ATG7: variants seen among roughly 807,000 people sequenced by gnomAD.
ATG7 encodes the protein ubiquitin-like modifier-activating enzyme ATG7.
ATG7 carries 70 observed loss-of-function variants against 82.4 expected under a neutral mutation model. The observed-to-expected ratio is 0.85, with a 90% CI of 0.70 to 1.04. The LOEUF (loss-of-function observed/expected upper bound fraction) is 1.04. ATG7 is among the 50% of genes least tolerant of loss of function. The pLI is 0.00. For synonymous variants in ATG7, 287 were observed against 313.0 expected (o/e 0.92, Z 0.88); for missense variants, 792 against 864.3 (o/e 0.92, Z 1.05).
chr3:11,346,219 A>G (rs528159769), intron 13 of ATG7, among the ~76,000 whole-genome samples: 2 of 152,310 alleles, frequency 1.3e-5, no homozygotes, highest in East Asian at 1.9e-4. Flanking sequence ...ATAGGATGAA[A>G]CATAACTTAC....
intron 19 of ATG7, among the ~76,000 whole-genome samples, chr3:11,393,461 C>T (rs902770637): frequency 1.3e-5 from 2 of 152,136 alleles, no homozygotes; most frequent in Non-Finnish European, 2.9e-5. Flanking sequence ...TGCATTCATA[C>T]TGTGTATTCA....
Position 11,404,152 on chromosome 3 carries a change from C to A in ATG7, c.1957-22652C>A, listed in dbSNP as rs1385388770. The stretch of plus-strand genomic sequence containing the variant: ...TTTTTTTTTTTTTTTTTTTTTTTTG[C>A]GGTAGAGTCTTGCTCTGTCGCCCAG... On this transcript the variant is annotated intron_variant, in intron 19 of 20. Coordinates refer to ENST00000693202, the MANE Select transcript of ATG7 (RefSeq NM_001349232.2). Among the ~76,000 whole-genome samples the A allele has an allele frequency of 2.0e-4, 7 of 35,610 alleles. 1 individual carries two copies. 23.4% of individuals were successfully genotyped at this position (35,610 alleles called of 152,430 possible). A position where few individuals can be genotyped will look rare whatever the true frequency, so the allele number is the denominator to read the frequency against.
the ATG7 span, among the ~76,000 whole-genome samples, chr3:11,562,997 G>A: frequency 6.6e-6 from 1 of 152,250 alleles, no homozygotes; most frequent in Non-Finnish European, 1.5e-5. Context: ...ACAGGGTAAA[G>A]AGAGTCAGGC....
chr3:11,428,247 A>G (rs955813082), intron 20 of ATG7, among the ~76,000 whole-genome samples: 1 of 152,200 alleles, frequency 6.6e-6, no homozygotes, highest in Non-Finnish European at 1.5e-5. Flanking sequence ...GGGAGGCCCC[A>G]AGTTGTCAAT....
At chr3:11,312,592 G>A (rs1948840989) in intron 7 of ATG7, among the ~76,000 whole-genome samples, 1 of 152,342 alleles carries the variant, frequency 6.6e-6, no homozygotes, top group Non-Finnish European at 1.5e-5. Flanking sequence ...GCTGCCTGGT[G>A]TCTGGGACTG....
rs984333228 is a variant in ATG7 at position 11,519,556 on chromosome 3, T to G, written c.2080-35255T>G. 1.2e-3 allele frequency among the ~76,000 whole-genome samples: 117 copies of G among 99,150 alleles called. 1 individual carries two copies. The highest frequency in any genetic ancestry group is 6.5e-3 in the African/African-American group (108 of 16,568). 65.0% of individuals were successfully genotyped at this position (99,150 alleles called of 152,430 possible). On this transcript the variant is annotated intron_variant, in intron 20 of 20. Coordinates refer to ENST00000693202, the MANE Select transcript of ATG7 (RefSeq NM_001349232.2). The stretch of plus-strand genomic sequence containing the variant: ...TGAGAGGAGTTTTTTTTTTTTTTTT[T>G]TTTTTTTTTTTTTTTTTTTTTGAGA...
At chr3:11,354,297 A>G (rs1291804826) in intron 14 of ATG7, among the ~76,000 whole-genome samples, 1 of 152,164 alleles carries the variant, frequency 6.6e-6, no homozygotes, top group Non-Finnish European at 1.5e-5. Context: ...GGAAGAGTAA[A>G]TTGAATAAGA....
chr3:11,471,108 C>A (rs1374561150), intron 20 of ATG7, among the ~76,000 whole-genome samples: 2 of 152,174 alleles, frequency 1.3e-5, no homozygotes, highest in African/African-American at 4.8e-5. Context: ...GGCTACCCTC[C>A]ATGGTAGCAA....
intron 3 of ATG7, among the ~76,000 whole-genome samples, chr3:11,293,291 A>T (rs1483034994): frequency 6.6e-6 from 1 of 152,008 alleles, no homozygotes; most frequent in Non-Finnish European, 1.5e-5. Context: ...GCACTTTAGG[A>T]GGCCAAGGCG....
At chr3:11,302,585 A>G (rs1275096987) in intron 5 of ATG7, among the ~76,000 whole-genome samples, 1 of 152,218 alleles carries the variant, frequency 6.6e-6, no homozygotes, top group East Asian at 1.9e-4. Context: ...GTAGAAGGCA[A>G]ATATTTGCAT....
At chr3:11,419,205 T>G (rs546497914) in intron 19 of ATG7, among the ~76,000 whole-genome samples, 2 of 152,196 alleles carry the variant, frequency 1.3e-5, no homozygotes, top group Non-Finnish European at 2.9e-5. Context: ...TGAAAATACA[T>G]TAGCAATTGT....
chr3:11,424,220 T>G (rs922762282), intron 19 of ATG7, among the ~76,000 whole-genome samples: 1 of 152,232 alleles, frequency 6.6e-6, no homozygotes, highest in African/African-American at 2.4e-5. Context: ...GCTTTAGAGT[T>G]CTGCCTCAGC....
chr3:11,520,838 G>A (rs2092422234), intron 20 of ATG7, among the ~76,000 whole-genome samples: 1 of 152,180 alleles, frequency 6.6e-6, no homozygotes, highest in Admixed American at 6.5e-5. Context: ...TTTAGTAGGA[G>A]CCACCCCACA....
intron 20 of ATG7, among the ~76,000 whole-genome samples, chr3:11,494,167 C>T (rs1559745627): frequency 6.6e-6 from 1 of 152,194 alleles, no homozygotes; most frequent in African/African-American, 2.4e-5. Flanking sequence ...GATGGGAGAT[C>T]AGTCTCAAAT....
At chr3:11,439,417 G>A (rs982701218) in intron 20 of ATG7, among the ~76,000 whole-genome samples, 3 of 152,106 alleles carry the variant, frequency 2.0e-5, no homozygotes, top group Non-Finnish European at 4.4e-5. Flanking sequence ...AGGGGAGCAG[G>A]GAGGGAAGGG....
At chr3:11,375,372 A>C (rs1342083033) in intron 18 of ATG7, among the ~76,000 whole-genome samples, 1 of 152,250 alleles carries the variant, frequency 6.6e-6, no homozygotes, top group Non-Finnish European at 1.5e-5. Context: ...TCCAAAAAAG[A>C]TAGACAAGTG....
downstream of ATG7, chr3:11,559,335 T>G (rs1559851222): frequency 6.5e-7 from 1 of 1,541,068 alleles, no homozygotes. Flanking sequence ...CACTCACCGC[T>G]CGGTGGCCTC....
Position 11,309,023 on chromosome 3 carries a change from C to G in ATG7, c.373C>G (p.Pro125Ala). 6.2e-7 allele frequency: 1 copy of G among 1,614,000 alleles called. No homozygotes were observed. Among genetic ancestry groups the G allele is most frequent in the African/African-American group, 1.3e-5 (1 of 75,012 alleles). The part of the protein sequence containing the change: ...SIKSGTALEN[P>A]VLLNKFLLLT... The stretch of plus-strand genomic sequence containing the variant: ...AAAATCAGGCACTGCTCTTGAAAAC[C>G]CTGTACTCCTCAACAAGTTCCTCCT... The change falls in exon 7 of 21, where the codon CCT becomes GCT. Residue 125 changes from proline to alanine, a missense_variant. Pro to Ala is a conservative substitution (Grantham distance 27). Coordinates refer to ENST00000693202, the MANE Select transcript of ATG7 (RefSeq NM_001349232.2).
At position 11,555,105 on chromosome 3, in the gene ATG7, T is replaced by TA; in HGVS notation, c.*263dup. ...GGGACTTGGTCCTCCATGCAGTTTT[T>TA]ATTTCTTGTCACAGTGACTGATAGC... On this transcript the variant is annotated 3_prime_UTR_variant, in exon 21 of 21. Transcript: ENST00000693202. 2.0e-6 allele frequency: 1 copy of TA among 494,964 alleles called. No homozygotes were observed. Among genetic ancestry groups the TA allele is most frequent in the Non-Finnish European group, 3.6e-6 (1 of 281,248 alleles). 30.7% of individuals were successfully genotyped at this position (494,964 alleles called of 1,614,324 possible). A position where few individuals can be genotyped will look rare whatever the true frequency, so the allele number is the denominator to read the frequency against.
Sources: gnomAD v4.1 joint callset for allele counts (sites outside exome capture counted in the v4.1 genomes callset) on GRCh38, gnomAD v4.1.1 for gene constraint, MANE v1.5 for transcripts, NCBI Gene and HGNC (gene_info 2026-07-23, HGNC 2026-07-21) for gene names.